The following TP63 variants were observed in gnomAD, a reference collection of about 807,000 sequenced individuals.
TP63 encodes tumor protein 63.
In TP63, 17 loss-of-function variants were observed where a neutral mutation model predicts 82.8. That is an observed-to-expected ratio of 0.21 (90% confidence interval 0.14 to 0.31). TP63 has a LOEUF of 0.31. Among genes scored for constraint, TP63 ranks in the 10% least tolerant of loss-of-function variants. The pLI is 1.00. For missense variants in TP63, 648 were observed against 895.3 expected (o/e 0.72, Z 3.52); for synonymous variants, 330 against 321.7 (o/e 1.03, Z -0.28).
At chr3:189,719,337 C>G (rs1374545760) in intron 1 of TP63, among the ~76,000 whole-genome samples, 1 of 152,154 alleles carries the variant, frequency 6.6e-6, no homozygotes, top group Non-Finnish European at 1.5e-5. Context: ...CTAATCTGCG[C>G]TTGCAGAGTC....
chr3:189,752,496 T>G (rs955449706), intron 3 of TP63, among the ~76,000 whole-genome samples: 1 of 152,188 alleles, frequency 6.6e-6, no homozygotes, highest in Non-Finnish European at 1.5e-5. Context: ...CTTTTTAATG[T>G]AAGTGGAATC....
chr3:189,815,914 G>A (rs1007425057), intron 4 of TP63, among the ~76,000 whole-genome samples: 5 of 151,962 alleles, frequency 3.3e-5, no homozygotes, highest in African/African-American at 7.2e-5. Flanking sequence ...TTCTCAACTT[G>A]TTTTCTTACA....
At chr3:189,800,794 A>G (rs1726221674) in intron 3 of TP63, among the ~76,000 whole-genome samples, 1 of 152,196 alleles carries the variant, frequency 6.6e-6, no homozygotes, top group South Asian at 2.1e-4. Flanking sequence ...ACACTCTAAG[A>G]CACATACTTA....
At chr3:189,826,771 A>G (rs1388238684) in intron 4 of TP63, among the ~76,000 whole-genome samples, 2 of 152,162 alleles carry the variant, frequency 1.3e-5, no homozygotes, top group East Asian at 1.9e-4. Context: ...GTAATTTTGT[A>G]TGGTATGCAT....
At chr3:189,871,047 T>A (rs1249789589) in intron 9 of TP63, among the ~76,000 whole-genome samples, 2 of 152,172 alleles carry the variant, frequency 1.3e-5, no homozygotes, top group African/African-American at 4.8e-5. Flanking sequence ...AGTAAAACAT[T>A]ACCCTGATAC....
At chr3:189,830,358 A>G (rs1044663157) in intron 4 of TP63, among the ~76,000 whole-genome samples, 2 of 152,166 alleles carry the variant, frequency 1.3e-5, no homozygotes, top group Non-Finnish European at 2.9e-5. Flanking sequence ...TCTGATTTTC[A>G]TGGCAAGGGA....
chr3:189,785,536 A>G (rs911225310), intron 3 of TP63, among the ~76,000 whole-genome samples: 2 of 152,090 alleles, frequency 1.3e-5, no homozygotes, highest in Non-Finnish European at 2.9e-5. Flanking sequence ...AAATTCTCAC[A>G]TCGGTAGGCT....
the TP63 span, among the ~76,000 whole-genome samples, chr3:189,615,372 T>C: frequency 1.3e-5 from 2 of 152,352 alleles, no homozygotes; most frequent in Non-Finnish European, 2.9e-5. Flanking sequence ...CTTTCTCAAC[T>C]ATTTAATGTC....
intron 3 of TP63, 99 bp downstream of exon 3, chr3:189,738,873 G>A: frequency 6.5e-7 from 1 of 1,529,584 alleles, no homozygotes; most frequent in Non-Finnish European, 8.9e-7. Flanking sequence ...AGGTGGCTCT[G>A]AATGGCCAAG....
intron 1 of TP63, among the ~76,000 whole-genome samples, chr3:189,691,361 GA>G (rs1048262806): frequency 3.4e-5 from 4 of 118,552 alleles, no homozygotes; most frequent in Admixed American, 2.5e-4. Flanking sequence ...AAAAAAAAAA[GA>G]AAAAGAAAAA....
At chr3:189,842,632 C>T (rs1485076607) in intron 4 of TP63, among the ~76,000 whole-genome samples, 1 of 152,146 alleles carries the variant, frequency 6.6e-6, no homozygotes, top group African/African-American at 2.4e-5. Flanking sequence ...AGGTGGTTTG[C>T]AGGCCTTTAA....
intron 10 of TP63, chr3:189,880,313 C>T: frequency 7.5e-7 from 1 of 1,335,164 alleles, no homozygotes; most frequent in Non-Finnish European, 9.6e-7. Context: ...AGAGACCCAA[C>T]TGCTCAAAGG....
At chr3:189,862,153 C>T (rs1221763515) in intron 4 of TP63, among the ~76,000 whole-genome samples, 1 of 152,200 alleles carries the variant, frequency 6.6e-6, no homozygotes, top group East Asian at 1.9e-4. Flanking sequence ...ATATGTTATG[C>T]AAACTACTAT....
chr3:189,715,987 T>C (rs1305452970), intron 1 of TP63, among the ~76,000 whole-genome samples: 1 of 152,210 alleles, frequency 6.6e-6, no homozygotes, highest in African/African-American at 2.4e-5. Flanking sequence ...ATTTATTCAG[T>C]ACTCACTACG....
intron 1 of TP63, among the ~76,000 whole-genome samples, chr3:189,681,879 A>G (rs1043603330): frequency 2.0e-5 from 3 of 152,168 alleles, no homozygotes; most frequent in Non-Finnish European, 4.4e-5. Flanking sequence ...GAACCAGGCA[A>G]TCACCTTTTA....
chr3:189,861,228 A>C (rs1716998654), intron 4 of TP63, among the ~76,000 whole-genome samples: 1 of 152,122 alleles, frequency 6.6e-6, no homozygotes, highest in Non-Finnish European at 1.5e-5. Flanking sequence ...CTTATCTCCC[A>C]CATATAAGTG....
At chr3:189,668,182 G>A (rs1246461328) in intron 1 of TP63, among the ~76,000 whole-genome samples, 1 of 151,838 alleles carries the variant, frequency 6.6e-6, no homozygotes, top group Non-Finnish European at 1.5e-5. Context: ...AGGTAAATAG[G>A]CTATGATAGA....
At chr3:189,868,520 C>G in intron 7 of TP63, 60 bp from the exon 8 acceptor site, 1 of 1,602,674 alleles carries the variant, frequency 6.2e-7, no homozygotes, top group Non-Finnish European at 8.5e-7. Context: ...GGTAGATCTT[C>G]AGGGGACTTT....
chr3:189,715,972 C>T (rs1393702401), intron 1 of TP63, among the ~76,000 whole-genome samples: 1 of 152,136 alleles, frequency 6.6e-6, no homozygotes, highest in African/African-American at 2.4e-5. Flanking sequence ...TAACAATTAC[C>T]TACCATTTAT....
Sources: gnomAD v4.1 joint callset for allele counts (sites outside exome capture counted in the v4.1 genomes callset) on GRCh38, gnomAD v4.1.1 for gene constraint, MANE v1.5 for transcripts, NCBI Gene and HGNC (gene_info 2026-07-23, HGNC 2026-07-21) for gene names.